The following IGF1 variants were observed in gnomAD, a reference collection of about 807,000 sequenced individuals.
The protein encoded by IGF1 is insulin-like growth factor 1.
In IGF1, 4 loss-of-function variants were observed where a neutral mutation model predicts 13.8. The ratio of observed to expected loss-of-function variants is 0.29; its 90% confidence interval spans 0.14 to 0.66. IGF1 has a LOEUF of 0.66. Ranked by LOEUF, IGF1 falls within the 30% of genes least tolerant of loss-of-function variation. The pLI, the probability that IGF1 is intolerant of heterozygous loss-of-function variation, is 0.78. For missense variants in IGF1, 124 were observed against 188.5 expected (o/e 0.66, Z 2.00); for synonymous variants, 76 against 72.6 (o/e 1.05, Z -0.23).
chr12:102,463,346 A>G (rs1447279461), intron 2 of IGF1: 2 of 152,248 alleles, frequency 1.3e-5, no homozygotes, highest in East Asian at 1.9e-4. Context: ...AAGCTTCTTC[A>G]TGGAAGATCT....
At chr12:102,454,892 A>G (rs776938998) in intron 2 of IGF1, among the ~76,000 whole-genome samples, 44 of 152,228 alleles carry the variant, frequency 2.9e-4, no homozygotes, top group Non-Finnish European at 5.4e-4. Context: ...CTATATCACA[A>G]TGCGTTAGTG....
chr12:102,409,579 A>C (rs937119419), intron 3 of IGF1, among the ~76,000 whole-genome samples: 2 of 152,210 alleles, frequency 1.3e-5, no homozygotes, highest in Non-Finnish European at 2.9e-5. Flanking sequence ...CTGCCATCTC[A>C]TACAAGTGAC....
chr12:102,413,783 A>C (rs568182910), intron 3 of IGF1, among the ~76,000 whole-genome samples: 2 of 152,358 alleles, frequency 1.3e-5, no homozygotes, highest in East Asian at 3.9e-4. Context: ...GGTTGAGAAA[A>C]ATGGTGGTTT....
chr12:102,471,027 C>T (rs774022068), intron 2 of IGF1, among the ~76,000 whole-genome samples: 9 of 152,146 alleles, frequency 5.9e-5, no homozygotes, highest in Admixed American at 2.0e-4. Flanking sequence ...TTCTTTGGCT[C>T]CTTAGTCCAA....
chr12:102,458,730 C>CAAAAAAAAAAAAAAAAAAAAAAAAA (rs397825972), intron 2 of IGF1, among the ~76,000 whole-genome samples: 1 of 73,426 alleles, frequency 1.4e-5, no homozygotes, highest in Admixed American at 2.2e-4. Flanking sequence ...GAACACTGAC[C>CAAAAAAAAAAAAAAAAAAAAAAAAA]AAAAAAAAAA....
intron 3 of IGF1, among the ~76,000 whole-genome samples, chr12:102,413,841 T>C (rs1036922836): frequency 1.3e-5 from 2 of 152,172 alleles, no homozygotes; most frequent in African/African-American, 2.4e-5. Context: ...TGGCTCTCAC[T>C]TGGGAGAGCC....
intron 2 of IGF1, among the ~76,000 whole-genome samples, chr12:102,468,968 T>C (rs1880508239): frequency 6.6e-6 from 1 of 152,214 alleles, no homozygotes; most frequent in Admixed American, 6.5e-5. Flanking sequence ...TGGGCAATGA[T>C]GGCACGACAC....
At chr12:102,416,700 T>C (rs934643759) in intron 3 of IGF1, among the ~76,000 whole-genome samples, 3 of 152,056 alleles carry the variant, frequency 2.0e-5, no homozygotes, top group Non-Finnish European at 4.4e-5. Context: ...AATAGATCTG[T>C]GGTGGGGTGG....
intron 2 of IGF1, among the ~76,000 whole-genome samples, chr12:102,426,605 A>G (rs1375866825): frequency 6.6e-6 from 1 of 152,230 alleles, no homozygotes; most frequent in African/African-American, 2.4e-5. Flanking sequence ...AATAGACACT[A>G]TGAGAATGAA....
At chr12:102,429,566 A>G (rs1243877948) in intron 2 of IGF1, among the ~76,000 whole-genome samples, 1 of 152,228 alleles carries the variant, frequency 6.6e-6, no homozygotes, top group Non-Finnish European at 1.5e-5. Flanking sequence ...CTCCAAGCTA[A>G]ATCATGTTCT....
At chr12:102,422,347 T>C (rs888423907) in intron 2 of IGF1, among the ~76,000 whole-genome samples, 4 of 152,230 alleles carry the variant, frequency 2.6e-5, no homozygotes, top group Non-Finnish European at 5.9e-5. Flanking sequence ...TGTCTACTCA[T>C]AATGTCTACA....
In IGF1 at chr12:102,413,667, A is replaced by T. The variant is rs532280637; in HGVS notation, c.402+5842T>A. ...CCAGAAATATCCTGCATTTCTATTTATTTTGGCAATTTTACTTAAGACTAC... is the reference window on the plus strand; with the variant it reads ...CCAGAAATATCCTGCATTTCTATTTTTTTTGGCAATTTTACTTAAGACTAC... On this transcript the variant is annotated intron_variant, in intron 3 of 3. Coordinates refer to ENST00000337514, the MANE Select transcript of IGF1 (RefSeq NM_000618.5). Among the ~76,000 whole-genome samples, 4 of 152,290 alleles carry T rather than the reference A, an allele frequency of 2.6e-5. No individual in the cohort carries two copies. The East Asian group carries it at 7.7e-4, about 29-fold the overall frequency.
intron 3 of IGF1, among the ~76,000 whole-genome samples, chr12:102,405,402 T>C (rs1480525803): frequency 1.3e-5 from 2 of 151,992 alleles, no homozygotes; most frequent in African/African-American, 2.4e-5. Context: ...TCTGCTTTCT[T>C]ATAGGAGTTC....
intron 2 of IGF1, among the ~76,000 whole-genome samples, chr12:102,437,050 C>T (rs1282138578): frequency 2.6e-5 from 4 of 152,238 alleles, no homozygotes; most frequent in Non-Finnish European, 4.4e-5. Flanking sequence ...TAATGATTCT[C>T]TTTCTAGTCA....
chr12:102,432,183 G>A (rs1205739470), intron 2 of IGF1, among the ~76,000 whole-genome samples: 1 of 152,030 alleles, frequency 6.6e-6, no homozygotes, highest in Non-Finnish European at 1.5e-5. Context: ...CACTTAACAT[G>A]ACATTGTAAG....
At position 102,408,688 on chromosome 12, in the gene IGF1, C is replaced by G. The variant is rs555996750; in HGVS notation, c.403-6122G>C. Among the ~76,000 whole-genome samples, 164 of 152,260 alleles carry G rather than the reference C, an allele frequency of 1.1e-3. 2 individuals are homozygous for G. Among genetic ancestry groups the G allele is most frequent in the African/African-American group, 3.5e-3 (146 of 41,544 alleles). ...CAGGCCCCTCCCAAGAGCCAGTGACCAAGTATGGTGGGGACATTGAGGCAG... is the reference window on the plus strand; with the variant it reads ...CAGGCCCCTCCCAAGAGCCAGTGACGAAGTATGGTGGGGACATTGAGGCAG... On this transcript the variant is annotated intron_variant, in intron 3 of 3. Transcript: ENST00000337514.
At chr12:102,429,481 A>AT (rs1565976904) in intron 2 of IGF1, among the ~76,000 whole-genome samples, 1 of 152,042 alleles carries the variant, frequency 6.6e-6, no homozygotes. Flanking sequence ...CATGAAAACT[A>AT]TTTTTCTGAA....
At chr12:102,427,343 A>G (rs768145942) in intron 2 of IGF1, among the ~76,000 whole-genome samples, 1 of 152,168 alleles carries the variant, frequency 6.6e-6, no homozygotes, top group Non-Finnish European at 1.5e-5. Context: ...GTGGGAAGAG[A>G]GGCCTTGTAA....
At chr12:102,409,290 G>A (rs2136959968) in intron 3 of IGF1, among the ~76,000 whole-genome samples, 1 of 152,296 alleles carries the variant, frequency 6.6e-6, no homozygotes, top group Non-Finnish European at 1.5e-5. Flanking sequence ...GTCTACATTT[G>A]CTCAAGCATT....
Sources: gnomAD v4.1 joint callset for allele counts (sites outside exome capture counted in the v4.1 genomes callset) on GRCh38, gnomAD v4.1.1 for gene constraint, MANE v1.5 for transcripts, NCBI Gene and HGNC (gene_info 2026-07-23, HGNC 2026-07-21) for gene names.